TOP6BL: variants seen among roughly 807,000 people sequenced by gnomAD.
The protein encoded by TOP6BL is type 2 DNA topoisomerase 6 subunit B-like.
chr11:66,784,872 A>G, the TOP6BL span, among the ~76,000 whole-genome samples: 8 of 151,738 alleles, frequency 5.3e-5, no homozygotes, highest in African/African-American at 7.3e-5. Flanking sequence ...ACTGTGTCCA[A>G]TCTAACCATC....
chr11:66,796,367 A>G, the TOP6BL span: 5 of 1,599,738 alleles, frequency 3.1e-6, no homozygotes, highest in Non-Finnish European at 3.4e-6. Flanking sequence ...ACCCTAAGGT[A>G]AGCTGTTCCT....
At chr11:66,811,944 T>C in the TOP6BL span, among the ~76,000 whole-genome samples, 1 of 152,026 alleles carries the variant, frequency 6.6e-6, no homozygotes, top group Non-Finnish European at 1.5e-5. Flanking sequence ...CCTTGTGTCT[T>C]ATAAAAGGGT....
At chr11:66,748,517 A>C in the TOP6BL span, 1 of 1,525,402 alleles carries the variant, frequency 6.6e-7, no homozygotes, top group Non-Finnish European at 8.8e-7. Flanking sequence ...TGTAACAACT[A>C]GTAAGTAGAG....
At chr11:66,836,553 T>G in the TOP6BL span, among the ~76,000 whole-genome samples, 1 of 149,912 alleles carries the variant, frequency 6.7e-6, no homozygotes, top group African/African-American at 2.4e-5. Flanking sequence ...TATTGAGTTA[T>G]GAGAGTTCTT....
chr11:66,803,498 A>G, the TOP6BL span, among the ~76,000 whole-genome samples: 1 of 152,120 alleles, frequency 6.6e-6, no homozygotes, highest in Non-Finnish European at 1.5e-5. Flanking sequence ...GCGCAATATC[A>G]GCTCACTGCA....
the TOP6BL span, chr11:66,828,466 C>G: frequency 7.6e-6 from 6 of 787,392 alleles, 1 homozygote; most frequent in African/African-American, 1.0e-4. Context: ...ACTGCATAAT[C>G]TGAGGTCAGC....
chr11:66,756,825 C>T, the TOP6BL span, among the ~76,000 whole-genome samples: 1 of 152,104 alleles, frequency 6.6e-6, no homozygotes, highest in Non-Finnish European at 1.5e-5. Flanking sequence ...GATCTTCCCA[C>T]CTCAGCCTCC....
chr11:66,815,322 C>CT, the TOP6BL span, among the ~76,000 whole-genome samples: 2 of 152,146 alleles, frequency 1.3e-5, no homozygotes, highest in Admixed American at 1.3e-4. Context: ...ATCTCCCTCC[C>CT]TTATTACTCT....
the TOP6BL span, among the ~76,000 whole-genome samples, chr11:66,772,172 G>A: frequency 3.6e-4 from 55 of 152,306 alleles, no homozygotes; most frequent in African/African-American, 1.1e-3. Context: ...ATGTGGCCCG[G>A]CCAGTAAGTG....
chr11:66,779,412 T>C, the TOP6BL span, among the ~76,000 whole-genome samples: 1 of 151,798 alleles, frequency 6.6e-6, no homozygotes, highest in Non-Finnish European at 1.5e-5. Flanking sequence ...CGTGAAAAAA[T>C]GCTCATCATC....
At chr11:66,784,522 A>G in the TOP6BL span, among the ~76,000 whole-genome samples, 1 of 152,196 alleles carries the variant, frequency 6.6e-6, no homozygotes, top group Non-Finnish European at 1.5e-5. Flanking sequence ...GAAACCGTGT[A>G]CTCATTAGCA....
the TOP6BL span, among the ~76,000 whole-genome samples, chr11:66,765,091 G>T: frequency 6.6e-6 from 1 of 152,134 alleles, no homozygotes; most frequent in African/African-American, 2.4e-5. Flanking sequence ...CATATATAAG[G>T]CTACTTGTTT....
the TOP6BL span, chr11:66,771,674 C>T: frequency 6.3e-6 from 1 of 159,862 alleles, no homozygotes; most frequent in Non-Finnish European, 1.4e-5. Context: ...TCTGATGAGT[C>T]TAGTTGGCAA....
At chr11:66,837,535 C>T in the TOP6BL span, among the ~76,000 whole-genome samples, 4 of 151,260 alleles carry the variant, frequency 2.6e-5, no homozygotes, top group Admixed American at 6.6e-5. Context: ...ACATCCACCT[C>T]CCAGGTTCAA....
the TOP6BL span, among the ~76,000 whole-genome samples, chr11:66,781,712 A>AT: frequency 4.0e-5 from 6 of 151,886 alleles, no homozygotes; most frequent in Non-Finnish European, 5.9e-5. Context: ...TAATTTTTAA[A>AT]TTTTTTTGTA....
chr11:66,779,084 A>G, the TOP6BL span, among the ~76,000 whole-genome samples: 1 of 152,246 alleles, frequency 6.6e-6, no homozygotes, highest in Non-Finnish European at 1.5e-5. Flanking sequence ...AGGCAATACC[A>G]TTCAGGACAT....
At chr11:66,752,044 A>G in the TOP6BL span, among the ~76,000 whole-genome samples, 2 of 151,846 alleles carry the variant, frequency 1.3e-5, no homozygotes, top group African/African-American at 4.8e-5. Context: ...TATCTGGTGC[A>G]CAGCTGTTAC....
the TOP6BL span, chr11:66,803,903 T>C: frequency 9.7e-7 from 1 of 1,029,948 alleles, no homozygotes; most frequent in East Asian, 2.4e-5. Flanking sequence ...GTTGTACATA[T>C]GCTAGAGGTT....
chr11:66,788,163 T>C, the TOP6BL span: 6 of 1,610,070 alleles, frequency 3.7e-6, no homozygotes, highest in Non-Finnish European at 5.1e-6. Flanking sequence ...CACACAGAAA[T>C]ACAGTCCATA....
Sources: allele counts gnomAD v4.1 joint callset (sites outside exome capture counted in the v4.1 genomes callset), GRCh38; gene constraint gnomAD v4.1.1; transcripts MANE v1.5; gene names NCBI Gene and HGNC (gene_info 2026-07-23, HGNC 2026-07-21).